THSD7B: variants seen among roughly 807,000 people sequenced by gnomAD.
The protein encoded by THSD7B is thrombospondin type-1 domain-containing protein 7B.
In THSD7B, 138 loss-of-function variants were observed where a neutral mutation model predicts 213.6. That is an observed-to-expected ratio of 0.65 (90% confidence interval 0.56 to 0.74). The LOEUF (loss-of-function observed/expected upper bound fraction) is 0.74. Among genes scored for constraint, THSD7B ranks in the 30% least tolerant of loss-of-function variants. The pLI is 0.00. For missense variants in THSD7B, 1,931 were observed against 1,991.5 expected (o/e 0.97, Z 0.58); for synonymous variants, 742 against 687.0 (o/e 1.08, Z -1.25).
At chr2:136,993,335 A>G (rs779061910) in intron 2 of THSD7B, among the ~76,000 whole-genome samples, 2 of 152,238 alleles carry the variant, frequency 1.3e-5, no homozygotes, top group Non-Finnish European at 2.9e-5. Flanking sequence ...TAAAATCAGA[A>G]ACAGACACTA....
At chr2:137,217,147 T>G (rs1410967373) in intron 7 of THSD7B, among the ~76,000 whole-genome samples, 1 of 152,138 alleles carries the variant, frequency 6.6e-6, no homozygotes, top group East Asian at 1.9e-4. Flanking sequence ...ATAACAGTAC[T>G]GGACAGGTAA....
Position 137,393,160 on chromosome 2 carries a change from ATTTT to A in THSD7B, c.2501-12444_2501-12441del, listed in dbSNP as rs577043200. Among the ~76,000 whole-genome samples the A allele has an allele frequency of 3.8e-3, 538 of 141,496 alleles. 5 individuals carry two copies. Among genetic ancestry groups the A allele is most frequent in the Admixed American group, 8.0e-3 (113 of 14,166 alleles). 92.8% of individuals were successfully genotyped at this position (141,496 alleles called of 152,430 possible). On this transcript the variant is annotated intron_variant, in intron 12 of 27. Transcript: ENST00000409968. ...TTTTCTTCCAGCTTTTTTTTTTTTA[ATTTT>A]TTTTTTTTATTATACTTTAAGTTTT...
At chr2:137,500,211 T>C (rs998802027) in intron 15 of THSD7B, among the ~76,000 whole-genome samples, 8 of 152,316 alleles carry the variant, frequency 5.3e-5, no homozygotes, top group African/African-American at 1.7e-4. Context: ...AACTGAATAT[T>C]GAGTAATGAA....
intron 5 of THSD7B, among the ~76,000 whole-genome samples, chr2:137,158,332 T>C (rs2104981987): frequency 6.6e-6 from 1 of 152,282 alleles, no homozygotes; most frequent in East Asian, 1.9e-4. Flanking sequence ...ATTGTTCCCA[T>C]TTCAAGCACA....
At chr2:137,023,420 TATTAGG>T (rs1280463545) in intron 2 of THSD7B, among the ~76,000 whole-genome samples, 1 of 151,910 alleles carries the variant, frequency 6.6e-6, no homozygotes, top group African/African-American at 2.4e-5. Flanking sequence ...GGATAACCTG[TATTAGG>T]AAGGGACTCT....
chr2:137,063,135 T>C (rs564535674), intron 3 of THSD7B, among the ~76,000 whole-genome samples: 1 of 151,968 alleles, frequency 6.6e-6, no homozygotes, highest in South Asian at 2.1e-4. Flanking sequence ...CCACCTTTTT[T>C]TGATTAATGC....
At chr2:137,456,635 G>A (rs1687769792) in intron 15 of THSD7B, among the ~76,000 whole-genome samples, 1 of 152,162 alleles carries the variant, frequency 6.6e-6, no homozygotes, top group Admixed American at 6.5e-5. Flanking sequence ...CATATGGAAG[G>A]CAGCCCAAAC....
At chr2:137,101,572 CG>C (rs1688150758) in intron 4 of THSD7B, among the ~76,000 whole-genome samples, 1 of 152,132 alleles carries the variant, frequency 6.6e-6, no homozygotes, top group South Asian at 2.1e-4. Flanking sequence ...GGGCTGAAGG[CG>C]GGGAGCCAAG....
Position 137,572,420 on chromosome 2 carries a change from C to T in THSD7B, c.3287C>T (p.Ala1096Val), listed in dbSNP as rs562558094. ...TTGCTTTACAGATGTGTGAATACTGCGGATGGTGAAGGTGGAGCAGTGGAT... is the reference window on the plus strand; with the variant it reads ...TTGCTTTACAGATGTGTGAATACTGTGGATGGTGAAGGTGGAGCAGTGGAT... ...QSRKIRCVNT[A>V]DGEGGAVDSN... Residue 1096 changes from alanine to valine, a missense_variant, in exon 17 of 28, where the codon GCG (alanine) becomes GTG (valine). Ala to Val is a moderately conservative substitution (Grantham distance 64, BLOSUM62 0). Coordinates refer to ENST00000409968, the MANE Select transcript of THSD7B (RefSeq NM_001316349.2). 24 of 1,613,738 alleles carry T rather than the reference C, an allele frequency of 1.5e-5. No individual in the cohort carries two copies. Among genetic ancestry groups the T allele is most frequent in the South Asian group, 1.2e-4 (11 of 91,056 alleles).
At chr2:136,796,393 CT>C (rs1205726905) in intron 1 of THSD7B, among the ~76,000 whole-genome samples, 1 of 151,900 alleles carries the variant, frequency 6.6e-6, no homozygotes, top group Non-Finnish European at 1.5e-5. Context: ...AAATTTTGAC[CT>C]CGCATGGAAA....
rs1301141334 is a variant in THSD7B, at chr2:137,655,598, T to G, written c.4043T>G (p.Leu1348Arg). 2 of 1,613,148 alleles carry G rather than the reference T, an allele frequency of 1.2e-6. No individual in the cohort carries two copies. Among genetic ancestry groups the G allele is most frequent in the Admixed American group, 3.3e-5 (2 of 59,924 alleles). ...SHAAGRVEDA[L>R]CGEMPFQDSI... is the part of the protein sequence containing the mutation. ...GCAGCTGGACGTGTCGAGGATGCAC[T>G]GTGTGGAGAAATGCCCTTTCAGGAC... Residue 1348 changes from leucine to arginine, a missense_variant, in exon 22 of 28, where the codon CTG becomes CGG. Physicochemically the swap from Leu to Arg is moderately radical, Grantham distance 102. Coordinates refer to ENST00000409968, the MANE Select transcript of THSD7B (RefSeq NM_001316349.2).
chr2:137,546,364 A>ATATATATATAATATATATATTATATATAT (rs1680709957), intron 15 of THSD7B, among the ~76,000 whole-genome samples: 1 of 48,946 alleles, frequency 2.0e-5, no homozygotes, highest in African/African-American at 9.6e-5. Context: ...TATATATATT[A>ATATATATATAATATATATATTATATATAT]TATATATATA....
intron 7 of THSD7B, among the ~76,000 whole-genome samples, chr2:137,222,380 G>T (rs1359127540): frequency 6.6e-6 from 1 of 152,162 alleles, no homozygotes; most frequent in Non-Finnish European, 1.5e-5. Flanking sequence ...CTGTTTATTT[G>T]CTCCAATATT....
chr2:137,521,937 G>A (rs1680192334), intron 15 of THSD7B, among the ~76,000 whole-genome samples: 1 of 152,140 alleles, frequency 6.6e-6, no homozygotes, highest in African/African-American at 2.4e-5. Context: ...TGATTTTTTA[G>A]CACAAGATAC....
chr2:136,767,456 A>AGTGTGTGTGTGTGT (rs6146926), intron 1 of THSD7B, among the ~76,000 whole-genome samples: 2,976 of 146,594 alleles, frequency 0.02, 80 homozygotes, highest in East Asian at 0.12. Context: ...ATCCCTGGGA[A>AGTGTGTGTGTGTGT]GTGTGTGTGT....
chr2:137,295,623 G>A (rs1200125554), intron 12 of THSD7B, among the ~76,000 whole-genome samples: 1 of 151,874 alleles, frequency 6.6e-6, no homozygotes, highest in Non-Finnish European at 1.5e-5. Flanking sequence ...TTACAGGCAC[G>A]TGCCACCATG....
At chr2:137,451,302 A>G (rs1262302250) in intron 15 of THSD7B, among the ~76,000 whole-genome samples, 5 of 151,772 alleles carry the variant, frequency 3.3e-5, no homozygotes, top group Non-Finnish European at 5.9e-5. Flanking sequence ...TATAATTTTG[A>G]TATTTTAAAA....
intron 2 of THSD7B, among the ~76,000 whole-genome samples, chr2:136,904,758 T>C (rs1684128785): frequency 6.6e-6 from 1 of 152,036 alleles, no homozygotes; most frequent in Non-Finnish European, 1.5e-5. Flanking sequence ...GAGATAATTC[T>C]GAAGGAAATG....
intron 7 of THSD7B, among the ~76,000 whole-genome samples, chr2:137,206,025 A>G (rs1226115915): frequency 1.4e-5 from 2 of 144,284 alleles, no homozygotes; most frequent in African/African-American, 2.6e-5. Context: ...AAAATAGTTT[A>G]TATTTCCAAC....
Sources: gnomAD v4.1 joint callset for allele counts (sites outside exome capture counted in the v4.1 genomes callset) on GRCh38, gnomAD v4.1.1 for gene constraint, MANE v1.5 for transcripts, NCBI Gene and HGNC (gene_info 2026-07-23, HGNC 2026-07-21) for gene names.